The following GABRB3 variants were observed in gnomAD, a reference collection of about 807,000 sequenced individuals.
The protein encoded by GABRB3 is gamma-aminobutyric acid receptor subunit beta-3.
GABRB3 carries 14 observed loss-of-function variants against 52.1 expected under a neutral mutation model. That is an observed-to-expected ratio of 0.27 (90% CI 0.18 to 0.42). GABRB3 has a LOEUF of 0.42. GABRB3 is among the 10% of genes least tolerant of loss of function. GABRB3 has a pLI of 1.00. For missense variants in GABRB3, 307 were observed against 609.1 expected, an observed-to-expected ratio of 0.50 and a Z score of 5.22; for synonymous variants, 260 against 232.3, an observed-to-expected ratio of 1.12 and a Z score of -1.08.
At chr15:26,614,435 T>G (rs1735938903) in intron 4 of GABRB3, 1 of 152,172 alleles carries the variant, frequency 6.6e-6, no homozygotes, top group South Asian at 2.1e-4. Flanking sequence ...TTACTTGCAG[T>G]AGCCTGAGTG....
intron 3 of GABRB3, among the ~76,000 whole-genome samples, chr15:26,691,608 A>G (rs1237079918): frequency 6.6e-6 from 1 of 152,210 alleles, no homozygotes; most frequent in Non-Finnish European, 1.5e-5. Context: ...AAATTGAATC[A>G]CAATTTGTTT....
chr15:26,600,982 G>A (rs1054944136), intron 4 of GABRB3, among the ~76,000 whole-genome samples: 2 of 152,146 alleles, frequency 1.3e-5, no homozygotes, highest in Non-Finnish European at 2.9e-5. Context: ...CATAAAATGT[G>A]TGTGGGGGGG....
At chr15:26,608,606 C>A (rs371984278) in intron 4 of GABRB3, among the ~76,000 whole-genome samples, 1 of 151,178 alleles carries the variant, frequency 6.6e-6, no homozygotes, top group Non-Finnish European at 1.5e-5. Flanking sequence ...AGCAAGAAAA[C>A]AAAAAAAAGC....
At chr15:26,695,795 A>G (rs1888720616) in intron 3 of GABRB3, among the ~76,000 whole-genome samples, 1 of 152,224 alleles carries the variant, frequency 6.6e-6, no homozygotes, top group Non-Finnish European at 1.5e-5. Context: ...AGGTGAAATA[A>G]GCAAAACATC....
intron 3 of GABRB3, among the ~76,000 whole-genome samples, chr15:26,736,350 G>C (rs1159725903): frequency 6.6e-6 from 1 of 152,186 alleles, no homozygotes; most frequent in Admixed American, 6.5e-5. Flanking sequence ...AAGCAGACAA[G>C]AAATACACTA....
At chr15:26,652,981 T>C (rs1887243952) in intron 3 of GABRB3, among the ~76,000 whole-genome samples, 1 of 152,162 alleles carries the variant, frequency 6.6e-6, no homozygotes, top group Non-Finnish European at 1.5e-5. Flanking sequence ...AAACGGCCTT[T>C]GCAAAAATTG....
chr15:26,550,922 C>T (rs1028649980), intron 8 of GABRB3, among the ~76,000 whole-genome samples: 2 of 152,324 alleles, frequency 1.3e-5, no homozygotes, highest in African/African-American at 4.8e-5. Flanking sequence ...AGGGAAGATA[C>T]ATTTGCATTG....
At chr15:26,735,514 C>A (rs1890041984) in intron 3 of GABRB3, among the ~76,000 whole-genome samples, 1 of 152,108 alleles carries the variant, frequency 6.6e-6, no homozygotes, top group African/African-American at 2.4e-5. Flanking sequence ...GTAGAAGTGA[C>A]CCAGGAATCC....
chr15:26,604,613 T>C (rs1336300895), intron 4 of GABRB3, among the ~76,000 whole-genome samples: 3 of 152,088 alleles, frequency 2.0e-5, no homozygotes, highest in African/African-American at 4.8e-5. Flanking sequence ...AATAAATCTA[T>C]ACATCTACAG....
At chr15:26,647,197 A>G (rs1887041169) in intron 3 of GABRB3, among the ~76,000 whole-genome samples, 1 of 152,172 alleles carries the variant, frequency 6.6e-6, no homozygotes, top group Non-Finnish European at 1.5e-5. Flanking sequence ...ACGTATGTTA[A>G]AATTTGTTTT....
chr15:26,551,868 A>AAGAAGGCCCT (rs1889479574), intron 8 of GABRB3, among the ~76,000 whole-genome samples: 1 of 152,176 alleles, frequency 6.6e-6, no homozygotes, highest in Non-Finnish European at 1.5e-5. Context: ...CCTGTGCTGG[A>AAGAAGGCCCT]AGAAGGCCCT....
intron 3 of GABRB3, among the ~76,000 whole-genome samples, chr15:26,740,954 T>G (rs117912621): frequency 0.014 from 2,138 of 152,170 alleles, 27 homozygotes; most frequent in Non-Finnish European, 0.021. Flanking sequence ...CGGAGCCGAC[T>G]CTGAGTCAGA....
At chr15:26,629,668 A>T (rs1326355748) in intron 3 of GABRB3, among the ~76,000 whole-genome samples, 1 of 152,114 alleles carries the variant, frequency 6.6e-6, no homozygotes, top group East Asian at 1.9e-4. Context: ...CACTTCTCAC[A>T]TCACCAAACT....
chr15:26,748,794 G>A (rs573589812), intron 3 of GABRB3, among the ~76,000 whole-genome samples: 6 of 152,056 alleles, frequency 3.9e-5, no homozygotes, highest in African/African-American at 1.4e-4. Flanking sequence ...GGGAGGCCAA[G>A]GTGGGCAGAT....
At chr15:26,593,084 C>T (rs1337337079) in intron 4 of GABRB3, among the ~76,000 whole-genome samples, 1 of 152,100 alleles carries the variant, frequency 6.6e-6, no homozygotes, top group East Asian at 1.9e-4. Context: ...TCCCAGATAA[C>T]ATTCCCAGGT....
At chr15:26,721,038 C>A (rs1183902461) in intron 3 of GABRB3, among the ~76,000 whole-genome samples, 1 of 152,116 alleles carries the variant, frequency 6.6e-6, no homozygotes, top group African/African-American at 2.4e-5. Context: ...TTCTGCAAGG[C>A]TTTCACCCTC....
chr15:26,711,686 C>T (rs1257779839), intron 3 of GABRB3, among the ~76,000 whole-genome samples: 1 of 152,168 alleles, frequency 6.6e-6, no homozygotes, highest in Non-Finnish European at 1.5e-5. Context: ...CCAACCTGAG[C>T]TCCTGCCTGG....
At chr15:26,597,928 G>A (rs1477146563) in intron 4 of GABRB3, among the ~76,000 whole-genome samples, 2 of 152,186 alleles carry the variant, frequency 1.3e-5, no homozygotes, top group Non-Finnish European at 2.9e-5. Context: ...AAGGCAGAGA[G>A]GTTGAGAAGC....
At chr15:26,589,049 T>A (rs1451148659) in intron 4 of GABRB3, among the ~76,000 whole-genome samples, 1 of 152,220 alleles carries the variant, frequency 6.6e-6, no homozygotes, top group Non-Finnish European at 1.5e-5. Context: ...TAGAGACCGT[T>A]CCCTGCACGC....
Sources: allele counts gnomAD v4.1 joint callset (sites outside exome capture counted in the v4.1 genomes callset), GRCh38; gene constraint gnomAD v4.1.1; transcripts MANE v1.5; gene names NCBI Gene and HGNC (gene_info 2026-07-23, HGNC 2026-07-21).